Variants in NBAS observed in about 807,000 individuals in gnomAD.
NBAS encodes the protein NBAS subunit of NRZ tethering complex, also known as NAG/BC035112 fusion.
NBAS carries 219 observed loss-of-function variants against 302.5 expected under a neutral mutation model. That is an observed-to-expected ratio of 0.72 (90% CI 0.65 to 0.81). NBAS has a LOEUF of 0.81. Ranked by LOEUF, NBAS falls within the 30% of genes least tolerant of loss-of-function variation. NBAS has a pLI of 0.00. For missense variants in NBAS, 2,932 were observed against 2,841.6 expected (o/e 1.03, Z -0.72); for synonymous variants, 1,118 against 1,021.6 (o/e 1.09, Z -1.80).
chr2:15,093,111 A>G, the NBAS span, among the ~76,000 whole-genome samples: 1 of 152,150 alleles, frequency 6.6e-6, no homozygotes, highest in Non-Finnish European at 1.5e-5. Context: ...AAGACGTGAA[A>G]CTAAAATAAA....
the NBAS span, among the ~76,000 whole-genome samples, chr2:15,036,923 T>G: frequency 4.6e-5 from 7 of 152,098 alleles, no homozygotes; most frequent in Non-Finnish European, 1.0e-4. Flanking sequence ...GGGGATACCC[T>G]GCAGGTTAGG....
At position 15,511,225 on chromosome 2, in the gene NBAS, T is replaced by C. The variant is rs1376361108; in HGVS notation, c.872A>G (p.Asp291Gly). 3.1e-6 allele frequency: 5 copies of C among 1,614,006 alleles called. No individual in the cohort carries two copies. The highest frequency in any genetic ancestry group is 4.2e-6 in the Non-Finnish European group (5 of 1,179,972). The change falls in exon 10 of 52, where the codon GAC (aspartate) becomes GGC (glycine). Residue 291 changes from aspartate (D) to glycine (G), a missense_variant. Asp to Gly is a moderately conservative substitution (Grantham distance 94). Coordinates refer to ENST00000281513, the MANE Select transcript of NBAS (RefSeq NM_015909.4). ...PYYKQVTNGG[D>G]GVTAVPKTLG... ...ACTCATACTTACTGCAGTAACCCCG[T>C]CTCCACCATTAGTAACCTGCTTATA...
the NBAS span, among the ~76,000 whole-genome samples, chr2:15,149,468 A>C: frequency 6.6e-6 from 1 of 152,110 alleles, no homozygotes; most frequent in Non-Finnish European, 1.5e-5. Context: ...GTTTTGGTTT[A>C]GTTTTTTGTT....
chr2:15,009,603 TACACACAC>T, the NBAS span, among the ~76,000 whole-genome samples: 125 of 130,732 alleles, frequency 9.6e-4, no homozygotes, highest in Middle Eastern at 4.0e-3. Flanking sequence ...TGCAACATCA[TACACACAC>T]ACACACACAC....
the NBAS span, among the ~76,000 whole-genome samples, chr2:14,893,634 C>A: frequency 2.6e-5 from 4 of 152,162 alleles, no homozygotes; most frequent in East Asian, 7.7e-4. Context: ...GACTGTATCA[C>A]CTCGGTTCTC....
chr2:15,406,547 C>T (rs1051266629), intron 25 of NBAS, among the ~76,000 whole-genome samples: 2 of 151,950 alleles, frequency 1.3e-5, no homozygotes, highest in East Asian at 1.9e-4. Context: ...AGTAAAAGAT[C>T]GAACAATTTG....
chr2:15,525,476 C>A (rs557048955), intron 9 of NBAS, among the ~76,000 whole-genome samples: 54 of 152,296 alleles, frequency 3.5e-4, no homozygotes, highest in African/African-American at 1.3e-3. Context: ...CTGGTACACA[C>A]TCTATTAAAA....
intron 9 of NBAS, among the ~76,000 whole-genome samples, chr2:15,512,889 T>C (rs1049435930): frequency 1.3e-5 from 2 of 152,134 alleles, no homozygotes; most frequent in Non-Finnish European, 2.9e-5. Context: ...AATGAATATA[T>C]ACCTTTTTTC....
chr2:15,523,239 G>A (rs566006952), intron 9 of NBAS, among the ~76,000 whole-genome samples: 2 of 152,208 alleles, frequency 1.3e-5, no homozygotes, highest in South Asian at 2.1e-4. Flanking sequence ...ACTATGATAC[G>A]CAATTTCCCG....
At chr2:15,477,046 C>T (rs1680223349) in intron 13 of NBAS, among the ~76,000 whole-genome samples, 1 of 152,096 alleles carries the variant, frequency 6.6e-6, no homozygotes, top group Non-Finnish European at 1.5e-5. Flanking sequence ...ATGTGAAAAG[C>T]AGAGTTCCTG....
chr2:15,220,209 C>A (rs1572472904), intron 47 of NBAS, among the ~76,000 whole-genome samples: 1 of 125,540 alleles, frequency 8.0e-6, no homozygotes, highest in Non-Finnish European at 1.7e-5. Context: ...CCGGACGGGG[C>A]GGCTGGCCGG....
At chr2:15,100,844 T>G in the NBAS span, among the ~76,000 whole-genome samples, 1 of 152,222 alleles carries the variant, frequency 6.6e-6, no homozygotes. Flanking sequence ...ACTATAATGA[T>G]GCTCACACAT....
chr2:15,198,383 A>C (rs1409113615), intron 48 of NBAS, among the ~76,000 whole-genome samples: 1 of 152,186 alleles, frequency 6.6e-6, no homozygotes, highest in Non-Finnish European at 1.5e-5. Flanking sequence ...TGAGAAGTTA[A>C]CTCGAGATCA....
chr2:15,177,387 G>C (rs564076769), intron 51 of NBAS, among the ~76,000 whole-genome samples: 33 of 152,132 alleles, frequency 2.2e-4, no homozygotes, highest in Non-Finnish European at 3.8e-4. Flanking sequence ...CTGCTGTGTG[G>C]GTAGTAAGAT....
At chr2:15,313,066 T>A (rs1671349311) in intron 38 of NBAS, among the ~76,000 whole-genome samples, 1 of 152,194 alleles carries the variant, frequency 6.6e-6, no homozygotes, top group South Asian at 2.1e-4. Context: ...AGAAAAAGAA[T>A]CTTCATTAGT....
At chr2:14,939,003 C>T in the NBAS span, among the ~76,000 whole-genome samples, 1 of 152,230 alleles carries the variant, frequency 6.6e-6, no homozygotes, top group Admixed American at 6.5e-5. Flanking sequence ...CCCAAACAAG[C>T]TCACAAATAC....
intron 13 of NBAS, among the ~76,000 whole-genome samples, 170 bp from the exon 14 acceptor site, chr2:15,476,050 C>T (rs1301782856): frequency 1.3e-5 from 2 of 152,070 alleles, no homozygotes; most frequent in Non-Finnish European, 2.9e-5. Flanking sequence ...CAAAATTTTA[C>T]TCTATGAGGT....
the NBAS span, among the ~76,000 whole-genome samples, chr2:15,073,498 A>AAAAAAAAAAAAAAAAAAG: frequency 7.1e-6 from 1 of 140,836 alleles, no homozygotes; most frequent in African/African-American, 2.8e-5. Context: ...AAAATAAAAA[A>AAAAAAAAAAAAAAAAAAG]TAAAACAATA....
chr2:15,321,007 A>G (rs1256401499), intron 38 of NBAS, among the ~76,000 whole-genome samples: 2 of 152,230 alleles, frequency 1.3e-5, no homozygotes, highest in Non-Finnish European at 2.9e-5. Context: ...CTACAAGGCT[A>G]TAGTAACCAA....
Sources: allele counts gnomAD v4.1 joint callset (sites outside exome capture counted in the v4.1 genomes callset), GRCh38; gene constraint gnomAD v4.1.1; transcripts MANE v1.5; gene names NCBI Gene and HGNC (gene_info 2026-07-23, HGNC 2026-07-21).